CHODL: variants seen among roughly 807,000 people sequenced by gnomAD.
CHODL encodes the protein transmembrane protein MT75.
Under a neutral mutation model 34.5 loss-of-function variants are expected in CHODL, and 29 were observed. That is an observed-to-expected ratio of 0.84 (90% CI 0.63 to 1.15). The LOEUF is 1.15. CHODL is among the 50% of genes most tolerant of loss of function. CHODL has a pLI of 0.00. For synonymous variants in CHODL, 125 were observed against 116.1 expected, an observed-to-expected ratio of 1.08 and a Z score of -0.49; for missense variants, 332 against 332.5, an observed-to-expected ratio of 1.00 and a Z score of 0.01.
intron 2 of CHODL, among the ~76,000 whole-genome samples, chr21:18,081,832 G>C (rs1356905661): frequency 6.6e-6 from 1 of 152,116 alleles, no homozygotes. Context: ...TGTTTCTTCT[G>C]TGGCTAGTTT....
chr21:17,972,518 A>C (rs868662851), intron 1 of CHODL, among the ~76,000 whole-genome samples: 1 of 152,194 alleles, frequency 6.6e-6, no homozygotes, highest in Non-Finnish European at 1.5e-5. Flanking sequence ...TGAGAGCCAA[A>C]TCATGAGTGA....
At chr21:18,082,103 G>T (rs1331008124) in intron 2 of CHODL, among the ~76,000 whole-genome samples, 2 of 152,192 alleles carry the variant, frequency 1.3e-5, no homozygotes, top group African/African-American at 2.4e-5. Flanking sequence ...GGTGGGAGAT[G>T]ATTGAATCGT....
intron 2 of CHODL, among the ~76,000 whole-genome samples, chr21:18,162,155 G>C (rs749577010): frequency 3.3e-5 from 5 of 152,168 alleles, no homozygotes; most frequent in Non-Finnish European, 7.4e-5. Flanking sequence ...TTTGCCTGTT[G>C]TATTAGTTTG....
chr21:17,918,844 T>C (rs2146307109), intron 1 of CHODL, among the ~76,000 whole-genome samples: 1 of 152,330 alleles, frequency 6.6e-6, no homozygotes, highest in South Asian at 2.1e-4. Context: ...ACTTCCTAGA[T>C]ACAATGGCGG....
intron 2 of CHODL, among the ~76,000 whole-genome samples, chr21:18,203,620 G>T (rs1276319080): frequency 6.6e-6 from 1 of 152,056 alleles, no homozygotes; most frequent in Non-Finnish European, 1.5e-5. Context: ...CACCACAAGA[G>T]TATTTTTTTA....
At chr21:17,958,524 A>C (rs2063509373) in intron 1 of CHODL, among the ~76,000 whole-genome samples, 1 of 152,226 alleles carries the variant, frequency 6.6e-6, no homozygotes, top group African/African-American at 2.4e-5. Flanking sequence ...GTCTGTGTGC[A>C]AAGCCAGCTT....
intron 1 of CHODL, among the ~76,000 whole-genome samples, chr21:18,018,810 C>A (rs2064100279): frequency 6.6e-6 from 1 of 152,188 alleles, no homozygotes; most frequent in South Asian, 2.1e-4. Context: ...TACACGTGTG[C>A]TCCTTGTATC....
At chr21:18,013,978 C>T (rs1265605445) in intron 1 of CHODL, among the ~76,000 whole-genome samples, 1 of 152,098 alleles carries the variant, frequency 6.6e-6, no homozygotes, top group African/African-American at 2.4e-5. Flanking sequence ...CACTTACTAG[C>T]ACTGGATCTT....
intron 2 of CHODL, among the ~76,000 whole-genome samples, chr21:18,045,156 G>C (rs898282028): frequency 2.0e-5 from 3 of 151,960 alleles, no homozygotes; most frequent in Non-Finnish European, 4.4e-5. Flanking sequence ...CCTGAATAAT[G>C]AGTCAAAGTT....
intron 1 of CHODL, among the ~76,000 whole-genome samples, chr21:17,994,793 G>T (rs1180117214): frequency 2.0e-5 from 3 of 152,186 alleles, no homozygotes; most frequent in Admixed American, 2.0e-4. Flanking sequence ...TGTGTGGTAT[G>T]TGGGTGCCAG....
At position 18,180,316 on chromosome 21, in the gene CHODL, C is replaced by T. The variant is rs545274414; in HGVS notation, c.-44-76193C>T. On this transcript the variant is annotated intron_variant, in intron 2 of 6. Coordinates refer to the CHODL transcript ENST00000400127. The stretch of plus-strand genomic sequence containing the variant: ...CACAGGCACGCACCACCACATCCAA[C>T]TAATTTTTATGTAGAGATGGGGTCC... 2.6e-5 allele frequency among the ~76,000 whole-genome samples: 4 copies of T among 152,188 alleles called. No homozygotes were observed. In the South Asian group the frequency reaches 8.3e-4, roughly 32 times the overall value.
intron 2 of CHODL, among the ~76,000 whole-genome samples, chr21:18,131,873 T>A (rs1284899156): frequency 6.6e-6 from 1 of 152,182 alleles, no homozygotes; most frequent in Non-Finnish European, 1.5e-5. Context: ...TCTTCCATTA[T>A]TTTTTAAAAG....
At chr21:18,123,340 C>CA (rs1429358007) in intron 2 of CHODL, among the ~76,000 whole-genome samples, 1 of 152,070 alleles carries the variant, frequency 6.6e-6, no homozygotes, top group African/African-American at 2.4e-5. Context: ...GTTCCCCAGA[C>CA]AAACAAACCT....
At chr21:17,922,502 A>G (rs17002193) in intron 1 of CHODL, among the ~76,000 whole-genome samples, 2,432 of 152,306 alleles carry the variant, frequency 0.016, 59 homozygotes, top group African/African-American at 0.055. Flanking sequence ...GGGTTGATAA[A>G]TCTGGTTTGG....
chr21:18,201,275 A>T (rs2073648862), intron 2 of CHODL, among the ~76,000 whole-genome samples: 1 of 152,104 alleles, frequency 6.6e-6, no homozygotes, highest in South Asian at 2.1e-4. Context: ...TTGCCTAAAA[A>T]TTTTAGGGCT....
intron 2 of CHODL, among the ~76,000 whole-genome samples, chr21:18,123,910 C>T (rs934239742): frequency 6.6e-5 from 10 of 152,078 alleles, no homozygotes; most frequent in Non-Finnish European, 1.2e-4. Flanking sequence ...CAACCCGGCG[C>T]GGTGGCTCAC....
intron 1 of CHODL, among the ~76,000 whole-genome samples, chr21:17,989,261 C>T (rs189346219): frequency 2.0e-5 from 3 of 152,290 alleles, no homozygotes; most frequent in Non-Finnish European, 4.4e-5. Flanking sequence ...TCCTGGCTCT[C>T]TTTGAGTCCT....
chr21:18,115,839 G>C (rs2065405944), intron 2 of CHODL, among the ~76,000 whole-genome samples: 1 of 152,096 alleles, frequency 6.6e-6, no homozygotes, highest in Non-Finnish European at 1.5e-5. Context: ...AGAAATCCTA[G>C]AATTTGGAGA....
chr21:18,180,960 C>T lies in CHODL; in HGVS notation c.-44-75549C>T, dbSNP rs578049995. Among the ~76,000 whole-genome samples, 5 of 152,228 alleles carry T rather than the reference C, an allele frequency of 3.3e-5. No homozygotes were observed. The East Asian group carries it at 9.6e-4, about 29-fold the overall frequency. ...ATTAAATTAATTTGAATACAAAATG[C>T]TAAGCCTAGAACATAGTAAATGCTA... is the stretch of plus-strand genomic sequence containing the variant. On this transcript the variant is annotated intron_variant, in intron 2 of 6. Coordinates refer to the CHODL transcript ENST00000400127.
Sources: gnomAD v4.1 joint callset for allele counts (sites outside exome capture counted in the v4.1 genomes callset) on GRCh38, gnomAD v4.1.1 for gene constraint, MANE v1.5 for transcripts, NCBI Gene and HGNC (gene_info 2026-07-23, HGNC 2026-07-21) for gene names.